Variants in ALKBH5 observed in about 807,000 individuals in gnomAD.
The protein encoded by ALKBH5 is RNA demethylase ALKBH5.
A neutral mutation model predicts 32.1 loss-of-function variants in ALKBH5; 2 were observed. The observed-to-expected ratio is 0.06, with a 90% CI of 0.03 to 0.20. The LOEUF (loss-of-function observed/expected upper bound fraction) is 0.20, where lower values mean the gene tolerates loss of function less well. Among genes scored for constraint, ALKBH5 ranks in the 10% least tolerant of loss-of-function variants. ALKBH5 has a pLI of 1.00. For missense variants in ALKBH5, 352 were observed against 559.5 expected, an observed-to-expected ratio of 0.63 and a Z score of 3.74; for synonymous variants, 300 against 231.7, an observed-to-expected ratio of 1.29 and a Z score of -2.68.
chr17:18,195,125 A>T (rs1462860236), intron 2 of ALKBH5, 90 bp downstream of exon 2: 1 of 1,022,902 alleles, frequency 9.8e-7, no homozygotes, highest in Non-Finnish European at 1.5e-6. Context: ...GCTCCTATGT[A>T]TCAGTGGCAT....
chr17:18,190,550 GAAA>G lies in ALKBH5; in HGVS notation c.771-4385_771-4383del, dbSNP rs11316080. Reference sequence around the variant, plus strand: ...GGCAACAGAGTGGGACTCTGTTTCCGAAAAAAAAAAAAAAAAAAAAAATTTCAG... The same window carrying G: ...GGCAACAGAGTGGGACTCTGTTTCCGAAAAAAAAAAAAAAAAAAATTTCAG... On this transcript the variant is annotated intron_variant, in intron 1 of 3. Transcript: ENST00000399138. Among the ~76,000 whole-genome samples the G allele has an allele frequency of 4.7e-3, 572 of 121,876 alleles. 3 individuals carry two copies. Among genetic ancestry groups the G allele is most frequent in the African/African-American group, 0.017 (538 of 31,394 alleles). 80.0% of individuals were successfully genotyped at this position (121,876 alleles called of 152,430 possible).
intron 2 of ALKBH5, among the ~76,000 whole-genome samples, chr17:18,204,729 C>T (rs576105791): frequency 6.6e-6 from 1 of 152,168 alleles, no homozygotes; most frequent in South Asian, 2.1e-4. Flanking sequence ...GCCTGGGCGA[C>T]AGAAGGAGCC....
At position 18,207,018 on chromosome 17, in the gene ALKBH5, A is replaced by T. The variant is rs574412890; in HGVS notation, c.1007+48A>T. On this transcript the variant is annotated intron_variant, in intron 3 of 3. Transcript: ENST00000399138. ...CAAAGGCTGGCAAAGGCCTGGCTGC[A>T]GGGTGAGAAGGGTGGAGAAGCCTGG... 7 of 1,595,062 alleles carry T rather than the reference A, an allele frequency of 4.4e-6. No homozygotes were observed. The African/African-American group carries it at 8.1e-5, about 18-fold the overall frequency.
At chr17:18,187,874 C>T (rs2047149098) in intron 1 of ALKBH5, among the ~76,000 whole-genome samples, 1 of 152,160 alleles carries the variant, frequency 6.6e-6, no homozygotes, top group Non-Finnish European at 1.5e-5. Flanking sequence ...GCATCTTAGA[C>T]TTCAGTTGGT....
In ALKBH5 at chr17:18,184,013, AAG is replaced by A; in HGVS notation, c.-230_-229del. On this transcript the variant is annotated 5_prime_UTR_variant, in exon 1 of 4. An upstream open reading frame in the 5' UTR loses its in-frame stop. Transcript: ENST00000399138. Reference sequence around the variant, plus strand: ...CGCCCCTGCCCCGCGGGACGTGGAGAAGGTGGAGGAGGAAGAAGCCCCGTTGT... The same window carrying A: ...CGCCCCTGCCCCGCGGGACGTGGAGAGTGGAGGAGGAAGAAGCCCCGTTGT... The A allele has an allele frequency of 1.5e-6, 1 of 665,148 alleles. No homozygotes were observed. Among genetic ancestry groups the A allele is most frequent in the South Asian group, 1.5e-5 (1 of 65,090 alleles). The allele number at this position is 665,148 out of a possible 1,614,324, so 41.2% of individuals were successfully genotyped here. A position where few individuals can be genotyped will look rare whatever the true frequency, so the allele number is the denominator to read the frequency against.
chr17:18,207,648 G>A (rs2047277181), intron 3 of ALKBH5, among the ~76,000 whole-genome samples: 1 of 149,818 alleles, frequency 6.7e-6, no homozygotes, highest in African/African-American at 2.5e-5. Context: ...GTGCGACAGA[G>A]CAAGAATCCG....
intron 1 of ALKBH5, among the ~76,000 whole-genome samples, chr17:18,189,021 C>T (rs1024072401): frequency 1.3e-5 from 2 of 151,778 alleles, no homozygotes; most frequent in Non-Finnish European, 2.9e-5. Flanking sequence ...GAGCCGAGAT[C>T]GAGCCCTTGC....
chr17:18,201,794 AAGATAGAT>A (rs57735712), intron 2 of ALKBH5, among the ~76,000 whole-genome samples: 2,981 of 134,270 alleles, frequency 0.022, 58 homozygotes, highest in East Asian at 0.067. Flanking sequence ...TAGGATAGAT[AAGATAGAT>A]AGATAGATAG....
chr17:18,185,249 T>TAG (rs2047131074), intron 1 of ALKBH5, among the ~76,000 whole-genome samples: 1 of 152,160 alleles, frequency 6.6e-6, no homozygotes, highest in African/African-American at 2.4e-5. Flanking sequence ...ATCACTGACT[T>TAG]GGCTGAGAAT....
In ALKBH5 at chr17:18,184,306, C is replaced by T. The variant is rs757591442; in HGVS notation, c.63C>T (p.Asp21=). The change falls in exon 1 of 4, where the codon GAC becomes GAT. Residue 21 remains aspartate, a synonymous_variant. Transcript: ENST00000399138. ...AGCTCAAGTCCATGACGTCCCGGGA[C>T]AACTATAAGGCGGGCAGCCGGGAGG... The part of the protein sequence containing the change: ...REKLKSMTSR[D]NYKAGSREAA... 6.2e-5 allele frequency: 94 copies of T among 1,527,320 alleles called. No individual in the cohort carries two copies. The highest frequency in any genetic ancestry group is 8.0e-5 in the Non-Finnish European group (91 of 1,140,066). 94.6% of individuals were successfully genotyped at this position (1,527,320 alleles called of 1,614,324 possible). A position where few individuals can be genotyped will look rare whatever the true frequency, so the allele number is the denominator to read the frequency against.
At chr17:18,201,063 G>A (rs941024810) in intron 2 of ALKBH5, among the ~76,000 whole-genome samples, 5 of 152,220 alleles carry the variant, frequency 3.3e-5, no homozygotes, top group Admixed American at 2.6e-4. Flanking sequence ...ATCTGAATGT[G>A]AGGCTGAGTG....
At chr17:18,201,298 T>C (rs1010266743) in intron 2 of ALKBH5, among the ~76,000 whole-genome samples, 1 of 152,242 alleles carries the variant, frequency 6.6e-6, no homozygotes, top group African/African-American at 2.4e-5. Flanking sequence ...CTGACTGTTC[T>C]GATGTGTCTG....
At chr17:18,202,010 A>G (rs1358355724) in intron 2 of ALKBH5, among the ~76,000 whole-genome samples, 2 of 151,594 alleles carry the variant, frequency 1.3e-5, no homozygotes, top group Non-Finnish European at 2.9e-5. Flanking sequence ...CCTTGTTTCA[A>G]AGAAAGTAAT....
intron 2 of ALKBH5, among the ~76,000 whole-genome samples, chr17:18,201,846 AGATTGATT>A (rs879896001): frequency 0.084 from 6,959 of 82,542 alleles, 189 homozygotes; most frequent in Middle Eastern, 0.12. Context: ...GATGATAGAT[AGATTGATT>A]GATTGATTTA....
chr17:18,200,258 T>C (rs1343981901), intron 2 of ALKBH5, among the ~76,000 whole-genome samples: 2 of 152,060 alleles, frequency 1.3e-5, no homozygotes, highest in South Asian at 2.1e-4. Context: ...AGGGGACTTC[T>C]GTAGATGAGG....
intron 3 of ALKBH5, 64 bp from the exon 4 acceptor site, chr17:18,208,155 A>G: frequency 2.6e-6 from 4 of 1,521,918 alleles, no homozygotes; most frequent in Non-Finnish European, 3.6e-6. Flanking sequence ...GACGAGGTAC[A>G]GCGGTAAAGC....
intron 2 of ALKBH5, among the ~76,000 whole-genome samples, chr17:18,197,239 C>T (rs775692617): frequency 1.6e-4 from 25 of 152,370 alleles, no homozygotes; most frequent in Non-Finnish European, 3.2e-4. Context: ...CCTCTCTTTT[C>T]TAGCCTAAGA....
intron 3 of ALKBH5, 126 bp from the exon 4 acceptor site, chr17:18,208,093 G>C: frequency 9.9e-7 from 1 of 1,013,264 alleles, no homozygotes. Context: ...CCTCTGCCAG[G>C]ACTACCCTTC....
rs541853293 is a variant in ALKBH5, at chr17:18,202,850, C to T, written c.852-3965C>T. Among the ~76,000 whole-genome samples the T allele has an allele frequency of 3.3e-5, 5 of 151,846 alleles. No individual in the cohort carries two copies. The East Asian group carries it at 5.8e-4, about 18-fold the overall frequency. On this transcript the variant is annotated intron_variant, in intron 2 of 3. Transcript: ENST00000399138. The stretch of plus-strand genomic sequence containing the variant: ...CAGCACTTCGGGAGGCTGAGGCAGG[C>T]GGATCATGAGGTCAAGAGATCAAGA...
Sources: allele counts gnomAD v4.1 joint callset (sites outside exome capture counted in the v4.1 genomes callset), GRCh38; gene constraint gnomAD v4.1.1; transcripts MANE v1.5; gene names NCBI Gene and HGNC (gene_info 2026-07-23, HGNC 2026-07-21).